ARHGAP15: variants seen among roughly 807,000 people sequenced by gnomAD.
ARHGAP15 encodes the protein Rho GTPase activating protein 15.
In ARHGAP15, 51 loss-of-function variants were observed where a neutral mutation model predicts 63.7. That is an observed-to-expected ratio of 0.80 (90% CI 0.64 to 1.01). The LOEUF is 1.01. Ranked by LOEUF, ARHGAP15 falls within the 50% of genes least tolerant of loss-of-function variation. The pLI, the probability that ARHGAP15 is intolerant of heterozygous loss-of-function variation, is 0.00. For synonymous variants in ARHGAP15, 191 were observed against 193.8 expected (o/e 0.99, Z 0.12); for missense variants, 560 against 564.6 (o/e 0.99, Z 0.08).
intron 2 of ARHGAP15, among the ~76,000 whole-genome samples, chr2:143,190,640 A>G (rs1691648720): frequency 6.6e-6 from 1 of 152,132 alleles, no homozygotes; most frequent in Non-Finnish European, 1.5e-5. Flanking sequence ...ACTATTTGCA[A>G]TGGGTGAGTA....
At chr2:143,732,990 A>G (rs1019842998) in intron 13 of ARHGAP15, among the ~76,000 whole-genome samples, 1 of 148,060 alleles carries the variant, frequency 6.8e-6, no homozygotes, top group Non-Finnish European at 1.5e-5. Context: ...ATGTTTTCTA[A>G]TAGAGAGGGA....
chr2:143,719,946 G>A lies in ARHGAP15; in HGVS notation c.1244+16422G>A, dbSNP rs78413513. 9.8e-3 allele frequency among the ~76,000 whole-genome samples: 1,484 copies of A among 152,148 alleles called. 28 individuals are homozygous for A. The highest frequency in any genetic ancestry group is 0.034 in the African/African-American group (1,407 of 41,490). On this transcript the variant is annotated intron_variant, in intron 13 of 13. Transcript: ENST00000295095. ...TCACATTCTTTTTATTCTCTGCATGGGTTTCCCACACATACACCCTATAAT... is the reference window on the plus strand; with the variant it reads ...TCACATTCTTTTTATTCTCTGCATGAGTTTCCCACACATACACCCTATAAT...
intron 8 of ARHGAP15, among the ~76,000 whole-genome samples, chr2:143,446,561 C>G (rs891476439): frequency 2.0e-5 from 3 of 151,746 alleles, no homozygotes; most frequent in Non-Finnish European, 4.4e-5. Flanking sequence ...TTTTGTCATT[C>G]CTGAGTGTGA....
chr2:143,366,555 A>G (rs1686299697), intron 6 of ARHGAP15, among the ~76,000 whole-genome samples: 1 of 152,106 alleles, frequency 6.6e-6, no homozygotes. Flanking sequence ...TTGATAATAA[A>G]CAAAATACTA....
intron 2 of ARHGAP15, among the ~76,000 whole-genome samples, chr2:143,162,768 G>T (rs1690349325): frequency 6.6e-6 from 1 of 151,938 alleles, no homozygotes; most frequent in Non-Finnish European, 1.5e-5. Context: ...ATTAAGAGAG[G>T]TTTAATTTAT....
At chr2:143,422,629 A>T (rs952245898) in intron 6 of ARHGAP15, among the ~76,000 whole-genome samples, 1 of 152,136 alleles carries the variant, frequency 6.6e-6, no homozygotes, top group Non-Finnish European at 1.5e-5. Context: ...TCATTTTCAG[A>T]TATTCTTATA....
chr2:143,646,378 G>A (rs1680879707), intron 12 of ARHGAP15, among the ~76,000 whole-genome samples: 1 of 152,012 alleles, frequency 6.6e-6, no homozygotes, highest in African/African-American at 2.4e-5. Flanking sequence ...CCACTTATTA[G>A]CAGGGCCTGT....
Position 143,561,011 on chromosome 2 carries a change from C to T in ARHGAP15, c.1003+4526C>T, listed in dbSNP as rs13420499. Among the ~76,000 whole-genome samples, 1,357 of 152,276 alleles carry T rather than the reference C, an allele frequency of 8.9e-3. 25 individuals are homozygous for T. The highest frequency in any genetic ancestry group is 0.031 in the African/African-American group (1,293 of 41,540). On this transcript the variant is annotated intron_variant, in intron 11 of 13. Coordinates refer to ENST00000295095, the MANE Select transcript of ARHGAP15 (RefSeq NM_018460.4). Reference sequence around the variant, plus strand: ...TAGATGTCAACCTGTCATCAGCCTGCGACATTGCGTTGATTCTTCAGAATG... The same window carrying T: ...TAGATGTCAACCTGTCATCAGCCTGTGACATTGCGTTGATTCTTCAGAATG...
rs558475938 is a variant in ARHGAP15 at position 143,459,103 on chromosome 2, A to G, written c.703+22061A>G. 1.5e-4 allele frequency among the ~76,000 whole-genome samples: 23 copies of G among 152,288 alleles called. No individual in the cohort carries two copies. The East Asian group carries it at 1.9e-3, about 13-fold the overall frequency. On this transcript the variant is annotated intron_variant, in intron 8 of 13. Coordinates refer to ENST00000295095, the MANE Select transcript of ARHGAP15 (RefSeq NM_018460.4). Reference sequence around the variant, plus strand: ...GTTTTTAAGGTTGCTAGTGGCTTCAATTAAAGACCACATTTAATAGATTAA... The same window carrying G: ...GTTTTTAAGGTTGCTAGTGGCTTCAGTTAAAGACCACATTTAATAGATTAA...
intron 11 of ARHGAP15, among the ~76,000 whole-genome samples, chr2:143,610,546 T>C (rs1044623463): frequency 1.3e-5 from 2 of 152,142 alleles, no homozygotes; most frequent in African/African-American, 4.8e-5. Flanking sequence ...AACCAAGTCA[T>C]TTAGACACAA....
At chr2:143,523,011 C>A (rs181917781) in intron 10 of ARHGAP15, among the ~76,000 whole-genome samples, 1 of 152,174 alleles carries the variant, frequency 6.6e-6, no homozygotes, top group Admixed American at 6.6e-5. Flanking sequence ...ACAAGTAAGA[C>A]CTTAATTCAT....
intron 6 of ARHGAP15, among the ~76,000 whole-genome samples, chr2:143,430,768 T>C (rs1490796590): frequency 6.6e-6 from 1 of 152,034 alleles, no homozygotes; most frequent in Non-Finnish European, 1.5e-5. Context: ...GTCCAAAGTC[T>C]CTCTAAACAT....
intron 6 of ARHGAP15, among the ~76,000 whole-genome samples, chr2:143,261,625 G>A (rs765253661): frequency 6.6e-6 from 1 of 151,994 alleles, no homozygotes; most frequent in Non-Finnish European, 1.5e-5. Flanking sequence ...TGGGATTACA[G>A]GCCTAAGCCA....
intron 9 of ARHGAP15, among the ~76,000 whole-genome samples, chr2:143,498,910 C>T (rs917621484): frequency 6.6e-6 from 1 of 152,154 alleles, no homozygotes; most frequent in African/African-American, 2.4e-5. Flanking sequence ...AGATCCAGAA[C>T]ATATGGTGGA....
intron 10 of ARHGAP15, among the ~76,000 whole-genome samples, chr2:143,550,351 G>GA (rs1371003861): frequency 1.3e-5 from 2 of 152,108 alleles, no homozygotes; most frequent in Non-Finnish European, 2.9e-5. Flanking sequence ...GGTAAAGTAA[G>GA]AAAAATTACC....
At chr2:143,236,011 T>C (rs1693628348) in intron 5 of ARHGAP15, 1 of 1,537,968 alleles carries the variant, frequency 6.5e-7, no homozygotes, top group Non-Finnish European at 8.8e-7. Flanking sequence ...ATCTCCATTT[T>C]TGGTTAAACA....
At position 143,150,043 on chromosome 2, in the gene ARHGAP15, G is replaced by T. The variant is rs528174246; in HGVS notation, c.-14-5434G>T. 5.9e-5 allele frequency among the ~76,000 whole-genome samples: 9 copies of T among 152,060 alleles called. No individual in the cohort carries two copies. In the East Asian group the frequency reaches 1.8e-3, roughly 30 times the overall value. ...GTGGGTCTATGGCGAAATCAAGGAT[G>T]CTGGGGGGTGTGGGCCCTGAGTGCC... On this transcript the variant is annotated intron_variant, in intron 1 of 13. Coordinates refer to ENST00000295095, the MANE Select transcript of ARHGAP15 (RefSeq NM_018460.4).
intron 12 of ARHGAP15, among the ~76,000 whole-genome samples, chr2:143,682,255 G>A (rs1574833648): frequency 6.6e-6 from 1 of 151,440 alleles, no homozygotes; most frequent in Non-Finnish European, 1.5e-5. Flanking sequence ...ATATTCCACC[G>A]CTTCTATGAA....
At chr2:143,511,244 G>T (rs1209577135) in intron 9 of ARHGAP15, among the ~76,000 whole-genome samples, 1 of 152,168 alleles carries the variant, frequency 6.6e-6, no homozygotes, top group African/African-American at 2.4e-5. Flanking sequence ...GCAGTCATGT[G>T]GAGGGTCTAT....
Sources: gnomAD v4.1 joint callset for allele counts (sites outside exome capture counted in the v4.1 genomes callset) on GRCh38, gnomAD v4.1.1 for gene constraint, MANE v1.5 for transcripts, NCBI Gene and HGNC (gene_info 2026-07-23, HGNC 2026-07-21) for gene names.